Variants in CCDC178 observed in about 807,000 individuals in gnomAD.
CCDC178 encodes coiled-coil domain-containing protein 178.
A neutral mutation model predicts 117.4 loss-of-function variants in CCDC178; 126 were observed. The observed-to-expected ratio is 1.07, with a 90% CI of 0.93 to 1.24. CCDC178 has a LOEUF of 1.24. CCDC178 is among the 50% of genes most tolerant of loss of function. The pLI is 0.00. For synonymous variants in CCDC178, 283 were observed against 313.4 expected (o/e 0.90, Z 1.02); for missense variants, 1,030 against 986.9 (o/e 1.04, Z -0.59).
rs1225885579 is a variant in CCDC178 at position 33,323,472 on chromosome 18, G to A, written c.1022+19C>T. ...TTAATTTCTAAATGCTATAATTAGT[G>A]TTTGCGAAAAATTCTTACTTGTAGG... On this transcript the variant is annotated intron_variant, in intron 11 of 22. Coordinates refer to ENST00000383096, the MANE Select transcript of CCDC178 (RefSeq NM_001105528.4). 2 of 1,423,610 alleles carry A rather than the reference G, an allele frequency of 1.4e-6. No individual in the cohort carries two copies. Among genetic ancestry groups the A allele is most frequent in the South Asian group, 1.7e-5 (1 of 58,032 alleles). 88.2% of individuals were successfully genotyped at this position (1,423,610 alleles called of 1,614,324 possible).
intron 21 of CCDC178, among the ~76,000 whole-genome samples, chr18:33,051,516 T>C (rs1392849795): frequency 2.0e-5 from 3 of 152,218 alleles, no homozygotes; most frequent in Non-Finnish European, 4.4e-5. Flanking sequence ...TTCAAATAAA[T>C]GTTTTCTAGT....
intron 21 of CCDC178, among the ~76,000 whole-genome samples, chr18:33,087,844 G>A (rs1019881109): frequency 4.6e-5 from 7 of 152,032 alleles, no homozygotes; most frequent in Non-Finnish European, 1.0e-4. Context: ...ATTTCTCTAG[G>A]AAAATAATTA....
At chr18:33,247,399 T>A (rs150386040) in intron 14 of CCDC178, among the ~76,000 whole-genome samples, 3 of 151,668 alleles carry the variant, frequency 2.0e-5, no homozygotes, top group African/African-American at 7.3e-5. Context: ...AATAGATAGA[T>A]GGGGAAGACA....
intron 9 of CCDC178, among the ~76,000 whole-genome samples, chr18:33,336,609 G>C (rs765944724): frequency 6.6e-6 from 1 of 151,980 alleles, no homozygotes; most frequent in African/African-American, 2.4e-5. Flanking sequence ...AAAACTCAAT[G>C]AATAACTAGA....
Position 33,249,322 on chromosome 18 carries a change from T to C in CCDC178, c.1410-3894A>G, listed in dbSNP as rs561629250. Among the ~76,000 whole-genome samples, 19 of 152,284 alleles carry C rather than the reference T, an allele frequency of 1.2e-4. No homozygotes were observed. In the East Asian group the frequency reaches 3.7e-3, roughly 29 times the overall value. ...TTTTGTTGCCATTGCTTTTGGTGTTTTAGACATGAAGTCCTTGACCATGCC... is the reference window on the plus strand; with the variant it reads ...TTTTGTTGCCATTGCTTTTGGTGTTCTAGACATGAAGTCCTTGACCATGCC... On this transcript the variant is annotated intron_variant, in intron 14 of 22. Transcript: ENST00000383096.
At chr18:33,389,512 T>C (rs1224084193) in intron 5 of CCDC178, 28 bp downstream of exon 5, 4 of 1,074,136 alleles carry the variant, frequency 3.7e-6, no homozygotes. Context: ...TTATATAGTT[T>C]ACTATATGAT....
At chr18:33,170,604 T>C (rs916408250) in intron 20 of CCDC178, among the ~76,000 whole-genome samples, 4 of 152,086 alleles carry the variant, frequency 2.6e-5, no homozygotes, top group African/African-American at 9.7e-5. Context: ...TATTGGTTAA[T>C]AGAAAAATAA....
At chr18:33,318,064 C>T (rs760386775) in intron 11 of CCDC178, among the ~76,000 whole-genome samples, 11 of 152,062 alleles carry the variant, frequency 7.2e-5, no homozygotes, top group South Asian at 6.2e-4. Context: ...TACCTATTTC[C>T]GGAAAAGATA....
intron 14 of CCDC178, among the ~76,000 whole-genome samples, chr18:33,253,129 A>G (rs936569553): frequency 5.3e-5 from 8 of 151,838 alleles, no homozygotes; most frequent in African/African-American, 1.4e-4. Context: ...GAAAGACAAA[A>G]TTACCAAATT....
intron 20 of CCDC178, among the ~76,000 whole-genome samples, chr18:33,142,696 C>T (rs753992553): frequency 6.6e-6 from 1 of 151,884 alleles, no homozygotes; most frequent in Non-Finnish European, 1.5e-5. Context: ...GATATTGGGC[C>T]TGTAGAATGA....
At chr18:33,002,575 C>G (rs1177667235) in intron 21 of CCDC178, among the ~76,000 whole-genome samples, 2 of 151,792 alleles carry the variant, frequency 1.3e-5, no homozygotes, top group East Asian at 3.9e-4. Flanking sequence ...GAACCTACAT[C>G]AAACATGAGA....
At chr18:33,133,807 T>C (rs2058093739) in intron 20 of CCDC178, among the ~76,000 whole-genome samples, 1 of 152,014 alleles carries the variant, frequency 6.6e-6, no homozygotes, top group African/African-American at 2.4e-5. Context: ...CTAAAATTTC[T>C]GGGACGTTTT....
At chr18:33,090,532 T>C (rs184950056) in intron 21 of CCDC178, among the ~76,000 whole-genome samples, 33 of 152,284 alleles carry the variant, frequency 2.2e-4, no homozygotes, top group Admixed American at 1.8e-3. Flanking sequence ...GGAAATGGAC[T>C]AAAATATTAA....
chr18:33,306,168 A>G (rs1375458043), intron 11 of CCDC178, among the ~76,000 whole-genome samples: 1 of 147,358 alleles, frequency 6.8e-6, no homozygotes, highest in Non-Finnish European at 1.5e-5. Context: ...TTAAAAACTC[A>G]TTTGAAATTG....
chr18:33,136,635 C>T (rs377211963), intron 20 of CCDC178, among the ~76,000 whole-genome samples: 19 of 152,094 alleles, frequency 1.2e-4, no homozygotes, highest in African/African-American at 4.6e-4. Flanking sequence ...AGAAGTTTGA[C>T]CTCATTTTGG....
At chr18:33,254,508 T>C (rs974851275) in intron 14 of CCDC178, among the ~76,000 whole-genome samples, 2 of 151,902 alleles carry the variant, frequency 1.3e-5, no homozygotes, top group African/African-American at 4.8e-5. Flanking sequence ...GGAAACAAGT[T>C]TATACTCTCA....
intron 12 of CCDC178, among the ~76,000 whole-genome samples, chr18:33,279,592 GA>G (rs573892988): frequency 6.6e-6 from 1 of 152,068 alleles, no homozygotes; most frequent in African/African-American, 2.4e-5. Context: ...CACAGAATTG[GA>G]AAAAACTACT....
intron 20 of CCDC178, among the ~76,000 whole-genome samples, chr18:33,112,467 T>G (rs573677543): frequency 1.2e-4 from 19 of 152,088 alleles, no homozygotes; most frequent in Admixed American, 1.2e-3. Flanking sequence ...AGATTTCGTC[T>G]AAAAATTAAT....
At chr18:32,957,965 C>T (rs749349009) in intron 22 of CCDC178, 1 of 259,604 alleles carries the variant, frequency 3.9e-6, no homozygotes, top group Non-Finnish European at 7.2e-6. Context: ...AATGAAGTAC[C>T]TCTTTAGTTA....
Sources: gnomAD v4.1 joint callset for allele counts (sites outside exome capture counted in the v4.1 genomes callset) on GRCh38, gnomAD v4.1.1 for gene constraint, MANE v1.5 for transcripts, NCBI Gene and HGNC (gene_info 2026-07-23, HGNC 2026-07-21) for gene names.